Variants in BCL11A observed in about 807,000 individuals in gnomAD.
BCL11A encodes the protein B cell CLL/lymphoma 11A.
Under a neutral mutation model 55.9 loss-of-function variants are expected in BCL11A, and 2 were observed. That is an observed-to-expected ratio of 0.04 (90% CI 0.01 to 0.11). The LOEUF is 0.11. Among genes scored for constraint, BCL11A ranks in the 10% least tolerant of loss-of-function variants. The pLI, the probability that BCL11A is intolerant of heterozygous loss-of-function variation, is 1.00. For synonymous variants in BCL11A, 465 were observed against 473.4 expected (o/e 0.98, Z 0.23); for missense variants, 817 against 1,137.1 (o/e 0.72, Z 4.05).
chr2:60,454,368 T>C (rs1007941992), downstream of BCL11A, among the ~76,000 whole-genome samples: 9 of 152,284 alleles, frequency 5.9e-5, no homozygotes, highest in Middle Eastern at 3.4e-3. Context: ...TTAGCAGTCT[T>C]TTAAGAAACA....
rs1265148111 is a variant in BCL11A at position 60,553,511 on chromosome 2, A to AAAAAAAAGG, written c.-242_-241insCCTTTTTTT. On this transcript the variant is annotated 5_prime_UTR_variant, in exon 1 of 4. Coordinates refer to ENST00000642384, the MANE Select transcript of BCL11A (RefSeq NM_022893.4). ...AAAAAAAAAAAAAAAAAAAAAAAAA[A>AAAAAAAAGG]GAGGGAGAGAGAGAGAAGAGAGATA... The AAAAAAAAGG allele has an allele frequency of 9.1e-6, 2 of 220,810 alleles. No homozygotes were observed. The highest frequency in any genetic ancestry group is 6.4e-5 in the East Asian group (1 of 15,630). The allele number at this position is 220,810 out of a possible 1,614,324, so 13.7% of individuals were successfully genotyped here.
downstream of BCL11A, chr2:60,453,211 G>A (rs1235106200): frequency 6.6e-6 from 1 of 152,258 alleles, no homozygotes; most frequent in Non-Finnish European, 1.5e-5. Flanking sequence ...ACCCAAAAGA[G>A]TTGCTCTCAA....
rs772734917 is a variant in BCL11A at position 60,509,425 on chromosome 2, G to A, written c.385+36546C>T. ...CTGAGCACAGCAGAGCCACACGGAC[G>A]TCTCAGAAAACGGTTCTGTGGAAGC... is the stretch of plus-strand genomic sequence containing the variant. On this transcript the variant is annotated intron_variant, in intron 2 of 3. Transcript: ENST00000642384. Among the ~76,000 whole-genome samples, 71 of 152,292 alleles carry A rather than the reference G, an allele frequency of 4.7e-4. 1 individual carries two copies. The highest frequency in any genetic ancestry group is 2.5e-3 in the Admixed American group (38 of 15,298).
At chr2:60,514,255 G>A (rs1225150844) in intron 2 of BCL11A, among the ~76,000 whole-genome samples, 5 of 152,160 alleles carry the variant, frequency 3.3e-5, no homozygotes, top group Non-Finnish European at 7.4e-5. Flanking sequence ...GAACTAGAAG[G>A]CTAAGGAACA....
intron 2 of BCL11A, among the ~76,000 whole-genome samples, chr2:60,478,639 T>C (rs1241110653): frequency 1.3e-5 from 2 of 152,218 alleles, no homozygotes; most frequent in Non-Finnish European, 2.9e-5. Context: ...TGAGAACTAA[T>C]TTAAGGCTTC....
intron 2 of BCL11A, among the ~76,000 whole-genome samples, chr2:60,531,176 A>T (rs1236674369): frequency 6.6e-6 from 1 of 150,892 alleles, no homozygotes; most frequent in African/African-American, 2.4e-5. Flanking sequence ...AAAAAAAAAG[A>T]GCTCCTGGCT....
At chr2:60,518,606 CT>C (rs1224749284) in intron 2 of BCL11A, among the ~76,000 whole-genome samples, 1 of 152,152 alleles carries the variant, frequency 6.6e-6, no homozygotes, top group Admixed American at 6.5e-5. Flanking sequence ...TGCTCTAGAT[CT>C]GAGAATCACC....
At chr2:60,538,033 A>G (rs1669749298) in intron 2 of BCL11A, 1 of 152,232 alleles carries the variant, frequency 6.6e-6, no homozygotes, top group African/African-American at 2.4e-5. Flanking sequence ...CCCCTTCATC[A>G]ACATACCTGC....
intron 2 of BCL11A, chr2:60,542,239 CTCAAAAAGCTAACTTTATGACA>C: frequency 5.1e-6 from 1 of 197,080 alleles, no homozygotes; most frequent in Admixed American, 6.0e-5. Context: ...TCTCTAGTCT[CTCAAAAAGCTAACTTTATGACA>C]GCCCAAACCT....
intron 2 of BCL11A, among the ~76,000 whole-genome samples, chr2:60,494,327 A>G (rs769791694): frequency 2.1e-4 from 32 of 152,170 alleles, no homozygotes; most frequent in Non-Finnish European, 8.8e-5. Flanking sequence ...GGCAGTGACC[A>G]TGGCCTGGTC....
intron 2 of BCL11A, among the ~76,000 whole-genome samples, chr2:60,541,091 C>T (rs1212712472): frequency 6.6e-6 from 1 of 151,876 alleles, no homozygotes; most frequent in African/African-American, 2.4e-5. Flanking sequence ...GAAGTGAATA[C>T]ATATTTGTGT....
chr2:60,553,305 G>A lies in BCL11A; in HGVS notation c.-35C>T. ...CGGGGCGGGCGGCGGCGGCGGCGGC[G>A]GCGGCGGCGGGCGGACGACGGCTCG... On this transcript the variant is annotated 5_prime_UTR_variant, in exon 1 of 4. Transcript: ENST00000642384. 6.6e-7 allele frequency: 1 copy of A among 1,525,946 alleles called. No individual in the cohort carries two copies. The allele number at this position is 1,525,946 out of a possible 1,614,324, so 94.5% of individuals were successfully genotyped here.
intron 1 of BCL11A, among the ~76,000 whole-genome samples, chr2:60,547,230 C>G (rs1332402364): frequency 6.6e-6 from 1 of 152,114 alleles, no homozygotes; most frequent in Non-Finnish European, 1.5e-5. Context: ...GCTGAGAAGT[C>G]CTTTCTTTAG....
chr2:60,506,844 G>A (rs1573025528), intron 2 of BCL11A, among the ~76,000 whole-genome samples: 1 of 151,986 alleles, frequency 6.6e-6, no homozygotes, highest in Non-Finnish European at 1.5e-5. Flanking sequence ...CTACCTTTCC[G>A]CCTAAACATT....
At chr2:60,469,293 G>A (rs926445938) in intron 2 of BCL11A, among the ~76,000 whole-genome samples, 1 of 152,190 alleles carries the variant, frequency 6.6e-6, no homozygotes. Context: ...GAAATGAGTA[G>A]ATTTGTGAAT....
chr2:60,462,240 C>A lies in BCL11A; in HGVS notation c.672G>T (p.Gln224His). ...CAATATGAATCCCATGGAGAGGTGG[C>A]TGGGAAGGACATTCTGCACCTAGTC... is the stretch of plus-strand genomic sequence containing the variant. ...PSGLGAECPSQPPLHGIHIAD... is the reference protein window; with the variant it reads ...PSGLGAECPSHPPLHGIHIAD... Residue 224 changes from glutamine to histidine, a missense_variant, in exon 4 of 4, where the codon CAG becomes CAT. Around this residue, in one of 4 missense-constraint regions of BCL11A, gnomAD observed 363 missense variants for 486.6 expected, o/e 0.75. Transcript: ENST00000642384. 1 of 1,613,644 alleles carries A rather than the reference C, an allele frequency of 6.2e-7. No individual in the cohort carries two copies. Among genetic ancestry groups the A allele is most frequent in the Non-Finnish European group, 8.5e-7 (1 of 1,179,798 alleles).
At chr2:60,469,934 A>T (rs1324930102) in intron 2 of BCL11A, among the ~76,000 whole-genome samples, 1 of 152,158 alleles carries the variant, frequency 6.6e-6, no homozygotes, top group East Asian at 1.9e-4. Context: ...ATGGTGAACA[A>T]ACAGTATGTT....
At chr2:60,485,133 C>T (rs1006511385) in intron 2 of BCL11A, among the ~76,000 whole-genome samples, 2 of 152,234 alleles carry the variant, frequency 1.3e-5, no homozygotes, top group African/African-American at 4.8e-5. Context: ...TTCACCAGGC[C>T]AGTGCCTAAT....
chr2:60,552,582 C>A (rs1156361491), intron 1 of BCL11A, among the ~76,000 whole-genome samples: 1 of 152,224 alleles, frequency 6.6e-6, no homozygotes, highest in Non-Finnish European at 1.5e-5. Flanking sequence ...CGCGGCCCCT[C>A]TCCCGACTCC....
Sources: allele counts gnomAD v4.1 joint callset (sites outside exome capture counted in the v4.1 genomes callset), GRCh38; gene constraint gnomAD v4.1.1; regional missense constraint gnomAD v4.1.1; transcripts MANE v1.5; gene names NCBI Gene and HGNC (gene_info 2026-07-23, HGNC 2026-07-21).